Variants in GDI2 observed in about 807,000 individuals in gnomAD.
GDI2 encodes rab GDP dissociation inhibitor beta.
In GDI2, 22 loss-of-function variants were observed where a neutral mutation model predicts 54.2. The ratio of observed to expected loss-of-function variants is 0.41; its 90% CI spans 0.29 to 0.58. The LOEUF (loss-of-function observed/expected upper bound fraction) is 0.58. Ranked by LOEUF, GDI2 falls within the 20% of genes least tolerant of loss-of-function variation. The pLI is 0.35. For missense variants in GDI2, 422 were observed against 546.0 expected (o/e 0.77, Z 2.26); for synonymous variants, 177 against 182.1 (o/e 0.97, Z 0.23).
chr10:5,771,590 CA>C (rs957831271), intron 7 of GDI2, among the ~76,000 whole-genome samples: 2 of 151,632 alleles, frequency 1.3e-5, no homozygotes, highest in Non-Finnish European at 2.9e-5. Context: ...GGTGTCCTGA[CA>C]AAAAATAAAT....
At chr10:5,802,161 T>TA (rs1468626437) in intron 1 of GDI2, among the ~76,000 whole-genome samples, 1 of 152,208 alleles carries the variant, frequency 6.6e-6, no homozygotes, top group East Asian at 1.9e-4. Context: ...CGCTTTTTTT[T>TA]ATGAATAATC....
intron 4 of GDI2, among the ~76,000 whole-genome samples, chr10:5,792,422 AAAC>A (rs1322872700): frequency 1.3e-5 from 2 of 152,172 alleles, no homozygotes; most frequent in African/African-American, 2.4e-5. Flanking sequence ...TAAAATTATA[AAAC>A]AACTGGTACT....
At chr10:5,786,505 T>C (rs985134916) in intron 4 of GDI2, among the ~76,000 whole-genome samples, 3 of 152,186 alleles carry the variant, frequency 2.0e-5, no homozygotes, top group African/African-American at 7.2e-5. Context: ...TTGGACAGCA[T>C]GGCTTCCAGT....
At chr10:5,793,059 A>C (rs919340613) in intron 4 of GDI2, among the ~76,000 whole-genome samples, 2 of 152,052 alleles carry the variant, frequency 1.3e-5, no homozygotes, top group African/African-American at 4.8e-5. Context: ...CAGTGATGCA[A>C]TCACAGCTCA....
chr10:5,808,864 T>C (rs988520901), intron 1 of GDI2, among the ~76,000 whole-genome samples: 4 of 152,194 alleles, frequency 2.6e-5, no homozygotes, highest in African/African-American at 9.7e-5. Context: ...TTCATTTCAA[T>C]GGCAAGTATC....
intron 7 of GDI2, among the ~76,000 whole-genome samples, chr10:5,770,228 C>G (rs1168922726): frequency 6.6e-6 from 1 of 152,098 alleles, no homozygotes; most frequent in Admixed American, 6.5e-5. Flanking sequence ...AAGCAGAGAA[C>G]GAGGAGTTAT....
intron 6 of GDI2, among the ~76,000 whole-genome samples, chr10:5,780,442 A>G (rs1384463935): frequency 6.6e-6 from 1 of 152,008 alleles, no homozygotes; most frequent in African/African-American, 2.4e-5. Context: ...AAGTGGGGGA[A>G]AAACACATAA....
At chr10:5,811,493 T>C (rs1288756047) in intron 1 of GDI2, among the ~76,000 whole-genome samples, 2 of 152,216 alleles carry the variant, frequency 1.3e-5, no homozygotes, top group African/African-American at 4.8e-5. Flanking sequence ...TCGTGCATGC[T>C]TAACTGACCT....
At chr10:5,770,508 G>A (rs555576941) in intron 7 of GDI2, among the ~76,000 whole-genome samples, 4 of 152,108 alleles carry the variant, frequency 2.6e-5, no homozygotes, top group Admixed American at 6.5e-5. Context: ...ATTGCAGTGA[G>A]CCAAGATCAT....
chr10:5,802,265 C>T (rs1397168915), intron 1 of GDI2, among the ~76,000 whole-genome samples: 1 of 152,076 alleles, frequency 6.6e-6, no homozygotes, highest in Non-Finnish European at 1.5e-5. Flanking sequence ...AAATAACTGA[C>T]ACGTGCTGCC....
At chr10:5,789,093 GTTTTA>G (rs1564394327) in intron 4 of GDI2, among the ~76,000 whole-genome samples, 1 of 150,948 alleles carries the variant, frequency 6.6e-6, no homozygotes, top group Non-Finnish European at 1.5e-5. Context: ...TCAGTTCTAC[GTTTTA>G]TTTTACTTGA....
chr10:5,770,987 A>AC (rs1840476417), intron 7 of GDI2, among the ~76,000 whole-genome samples: 3 of 145,278 alleles, frequency 2.1e-5, no homozygotes, highest in South Asian at 2.2e-4. Flanking sequence ...AAAAAAAAAA[A>AC]GATGGTAAAT....
intron 1 of GDI2, among the ~76,000 whole-genome samples, chr10:5,802,849 A>C (rs1841299747): frequency 6.6e-6 from 1 of 152,226 alleles, no homozygotes; most frequent in Non-Finnish European, 1.5e-5. Flanking sequence ...AGTGCAAGCT[A>C]GATCAGTGGG....
intron 1 of GDI2, chr10:5,811,768 G>GC: frequency 3.0e-6 from 1 of 332,164 alleles, no homozygotes; most frequent in South Asian, 2.5e-5. Context: ...TCCTGGATTG[G>GC]TCAAACATAA....
chr10:5,797,976 A>C (rs1241175365), intron 2 of GDI2, among the ~76,000 whole-genome samples: 1 of 152,232 alleles, frequency 6.6e-6, no homozygotes, highest in Admixed American at 6.5e-5. Context: ...TAGTTCATTT[A>C]TAATTTTTGA....
rs1371452734 is a variant in GDI2 at position 5,766,692 on chromosome 10, A to G, written c.992-54T>C. 5.5e-6 allele frequency: 8 copies of G among 1,456,674 alleles called. No individual in the cohort carries two copies. The highest frequency in any genetic ancestry group is 2.8e-5 in the African/African-American group (2 of 72,028). The allele number at this position is 1,456,674 out of a possible 1,614,324, so 90.2% of individuals were successfully genotyped here. A position where few individuals can be genotyped will look rare whatever the true frequency, so the allele number is the denominator to read the frequency against. ...CTCAAGTGTCTCCATCTGGGACCCAACATACTCAGGTATCACCCATATGTC... is the reference window on the plus strand; with the variant it reads ...CTCAAGTGTCTCCATCTGGGACCCAGCATACTCAGGTATCACCCATATGTC... On this transcript the variant is annotated intron_variant, in intron 8 of 10. Transcript: ENST00000380191. The surrounding 1 kb of genome is among the most constrained non-coding windows in gnomAD (Gnocchi z 5.8).
chr10:5,805,363 T>TAAA (rs33941987), intron 1 of GDI2, among the ~76,000 whole-genome samples: 1 of 105,922 alleles, frequency 9.4e-6, no homozygotes, highest in Non-Finnish European at 1.9e-5. Flanking sequence ...ATTTGCTCTT[T>TAAA]AAAAAAAAAA....
chr10:5,776,320 C>A lies in GDI2; in HGVS notation c.720-2379G>T. ...CAGCAGAACATAGGATGTAGCTGCC[C>A]ATCTCACAAACCCTCTGCTGAGGAT... On this transcript the variant is annotated intron_variant, in intron 6 of 10. Coordinates refer to ENST00000380191, the MANE Select transcript of GDI2 (RefSeq NM_001494.4). The surrounding 1 kb of genome is among the most constrained non-coding windows in gnomAD (Gnocchi z 5.3). 1.6e-6 allele frequency: 1 copy of A among 614,760 alleles called. No homozygotes were observed. The highest frequency in any genetic ancestry group is 1.8e-5 in the South Asian group (1 of 55,896). The allele number at this position is 614,760 out of a possible 1,614,324, so 38.1% of individuals were successfully genotyped here.
intron 6 of GDI2, among the ~76,000 whole-genome samples, chr10:5,779,689 T>G (rs1167067104): frequency 6.7e-6 from 1 of 148,234 alleles, no homozygotes; most frequent in East Asian, 2.0e-4. Context: ...AAAAAAAGTT[T>G]GATGCTTTTT....
Sources: gnomAD v4.1 joint callset for allele counts (sites outside exome capture counted in the v4.1 genomes callset) on GRCh38, gnomAD v4.1.1 for gene constraint, Gnocchi (gnomAD v3.1) non-coding constraint, MANE v1.5 for transcripts, NCBI Gene and HGNC (gene_info 2026-07-23, HGNC 2026-07-21) for gene names.